The following PXN variants were observed in gnomAD, a reference collection of about 807,000 sequenced individuals.
PXN encodes testicular tissue protein Li 134.
A neutral mutation model predicts 103.6 loss-of-function variants in PXN; 61 were observed. The observed-to-expected ratio is 0.59, with a 90% CI of 0.48 to 0.73. The LOEUF is 0.73. Among genes scored for constraint, PXN ranks in the 30% least tolerant of loss-of-function variants. The pLI is 0.00. For missense variants in PXN, 1,274 were observed against 1,460.3 expected (o/e 0.87, Z 2.08); for synonymous variants, 562 against 607.8 (o/e 0.92, Z 1.11).
chr12:120,258,210 T>G (rs1893325199), intron 1 of PXN, among the ~76,000 whole-genome samples: 1 of 147,154 alleles, frequency 6.8e-6, no homozygotes, highest in Admixed American at 6.8e-5. Context: ...AAAAAAAAAG[T>G]CTTGCTCTGC....
rs1332186179 is a variant in PXN, at chr12:120,216,431, G to T, written c.2143C>A (p.Pro715Thr). The stretch of plus-strand genomic sequence containing the variant: ...GAAGAACCACAGGTATAAGCTGAGG[G>T]CCCCAGGGGGGAGGAGGCGAGCAGG... ...PSLLASSPLGPSAYTCGSSGV... is the reference protein window; with the variant it reads ...PSLLASSPLGTSAYTCGSSGV... The change falls in exon 9 of 15, where the codon CCC becomes ACC. Residue 715 changes from proline to threonine, a missense_variant. Pro to Thr is a conservative substitution (Grantham distance 38, BLOSUM62 -1). Transcript: ENST00000637617. The surrounding 1 kb of genome is among the most constrained non-coding windows in gnomAD (Gnocchi z 5.1). The T allele has an allele frequency of 3.6e-6, 5 of 1,374,194 alleles. No homozygotes were observed. The highest frequency in any genetic ancestry group is 4.7e-6 in the Non-Finnish European group (5 of 1,072,970). The allele number at this position is 1,374,194 out of a possible 1,614,324, so 85.1% of individuals were successfully genotyped here.
chr12:120,233,512 G>A (rs1888457925), intron 1 of PXN, among the ~76,000 whole-genome samples: 3 of 152,050 alleles, frequency 2.0e-5, no homozygotes. Flanking sequence ...CACATTGTTG[G>A]ACAGGCTTGT....
In PXN at chr12:120,223,810, G is replaced by A. The variant is rs61757821; in HGVS notation, c.264C>T (p.Tyr88=). ...HQQPQSSSPV[Y]GSSAKTSSVS... ...CACTGGAAGTTTTGGCACTGGAGCC[G>A]TACACAGGTGATGAGGACTGAGGCT... Residue 88 remains tyrosine (Y), a synonymous_variant, in exon 3 of 15, where the codon TAC becomes TAT. Coordinates refer to ENST00000637617, the MANE Select transcript of PXN (RefSeq NM_001385981.1). 346 of 1,606,940 alleles carry A rather than the reference G, an allele frequency of 2.2e-4. No individual in the cohort carries two copies. Among genetic ancestry groups the A allele is most frequent in the Middle Eastern group, 8.3e-4 (5 of 6,056 alleles).
In PXN at chr12:120,224,011, G is replaced by A. The variant is rs770647666; in HGVS notation, c.240+140C>T. On this transcript the variant is annotated intron_variant, in intron 2 of 14. Transcript: ENST00000637617. This position sits in a 1 kb window ranked among gnomAD's most constrained non-coding sequence, Gnocchi z 5.0. The stretch of plus-strand genomic sequence containing the variant: ...TTGGTCACTGTTCCACTCACGTGGT[G>A]AGTGGGAAGAGCAGTGTCTGGTTGG... 1.7e-4 allele frequency: 137 copies of A among 803,470 alleles called. No individual in the cohort carries two copies. The highest frequency in any genetic ancestry group is 2.5e-4 in the Non-Finnish European group (129 of 511,622). The allele number at this position is 803,470 out of a possible 1,614,324, so 49.8% of individuals were successfully genotyped here.
At chr12:120,218,596 G>A (rs993645450) in intron 7 of PXN, among the ~76,000 whole-genome samples, 14 of 151,876 alleles carry the variant, frequency 9.2e-5, no homozygotes, top group Admixed American at 8.5e-4. Context: ...GGCTGGCCTC[G>A]AACTCCCAAC....
In PXN at chr12:120,264,713, ACT is replaced by A. The variant is rs369358411; in HGVS notation, c.13+902_13+903del. On this transcript the variant is annotated intron_variant, in intron 1 of 14. Coordinates refer to ENST00000637617, the MANE Select transcript of PXN (RefSeq NM_001385981.1). Reference sequence around the variant, plus strand: ...GCCTGACGCAGAGAGGGTGGAGGGGACTCTGCTAGCCAGGACACGTTCAGGGA... The same window carrying A: ...GCCTGACGCAGAGAGGGTGGAGGGGACTGCTAGCCAGGACACGTTCAGGGA... Among the ~76,000 whole-genome samples, 634 of 151,930 alleles carry A rather than the reference ACT, an allele frequency of 4.2e-3. 6 individuals carry two copies. The highest frequency in any genetic ancestry group is 0.014 in the African/African-American group (590 of 41,424).
Position 120,215,686 on chromosome 12 carries a change from TAAG to T in PXN, c.2302-28_2302-26del, listed in dbSNP as rs774509712. On this transcript the variant is annotated intron_variant, in intron 9 of 14. Transcript: ENST00000637617. The surrounding 1 kb of genome is among the most constrained non-coding windows in gnomAD (Gnocchi z 4.9). ...TCTTAGATAGGGGAAGAGATGAGGG[TAAG>T]AAATCTTTTTTAAAAATTAAGAAAG... The T allele has an allele frequency of 1.3e-6, 2 of 1,571,690 alleles. No individual in the cohort carries two copies. The highest frequency in any genetic ancestry group is 4.0e-5 in the Admixed American group (2 of 49,562).
chr12:120,264,416 TC>T (rs1399253982), intron 1 of PXN: 2 of 152,344 alleles, frequency 1.3e-5, no homozygotes, highest in Non-Finnish European at 2.9e-5. Flanking sequence ...CCTCCTCACC[TC>T]CCAAGCTCAG....
At chr12:120,235,796 T>C (rs565079546) in intron 1 of PXN, among the ~76,000 whole-genome samples, 1 of 152,340 alleles carries the variant, frequency 6.6e-6, no homozygotes, top group Admixed American at 6.5e-5. Context: ...AACTTGTTGA[T>C]GTGCAAGGTC....
At chr12:120,256,874 C>T (rs1283256493) in intron 1 of PXN, among the ~76,000 whole-genome samples, 5 of 152,086 alleles carry the variant, frequency 3.3e-5, no homozygotes, top group Non-Finnish European at 5.9e-5. Flanking sequence ...TGCGCCACCA[C>T]GCCCAGCTAA....
Position 120,223,717 on chromosome 12 carries a change from C to T in PXN, c.356+1G>A. The T allele has an allele frequency of 6.3e-7, 1 of 1,576,352 alleles. No individual in the cohort carries two copies. The highest frequency in any genetic ancestry group is 8.6e-7 in the Non-Finnish European group (1 of 1,158,404). On this transcript the variant is annotated splice_donor_variant, in intron 3 of 14. Transcript: ENST00000637617. LOFTEE classifies it high-confidence loss of function. Reference sequence around the variant, plus strand: ...GTGCCCTGGGCAGACTGGGGCAGTACCTGTAGACGTGCTCCTCCTCACCCA... The same window carrying T: ...GTGCCCTGGGCAGACTGGGGCAGTATCTGTAGACGTGCTCCTCCTCACCCA...
chr12:120,249,948 G>A, intron 1 of PXN: 1 of 985,462 alleles, frequency 1.0e-6, no homozygotes. Flanking sequence ...CACTGCTTGG[G>A]ACAGAGGACC....
chr12:120,235,095 C>A (rs1888772529), intron 1 of PXN, among the ~76,000 whole-genome samples: 1 of 152,136 alleles, frequency 6.6e-6, no homozygotes, highest in South Asian at 2.1e-4. Flanking sequence ...GCTGCAGGGC[C>A]CCAACGCCTC....
At position 120,222,607 on chromosome 12, in the gene PXN, C is replaced by T. The variant is rs1487944093; in HGVS notation, c.637G>A (p.Val213Met). 6.2e-6 allele frequency: 10 copies of T among 1,609,374 alleles called. No homozygotes were observed. Among genetic ancestry groups the T allele is most frequent in the Admixed American group, 3.4e-5 (2 of 59,436 alleles). ...AAGAGACTCTCCACACTGGGCCGCA[C>T]GTCCTCCAGGCCCCGGCCCCCATTC... ...KRNGGRGLED[V>M]RPSVESLLDE... Residue 213 changes from valine to methionine, a missense_variant, in exon 5 of 15, where the codon GTG becomes ATG. Val to Met is a conservative substitution (Grantham distance 21, BLOSUM62 1). Coordinates refer to ENST00000637617, the MANE Select transcript of PXN (RefSeq NM_001385981.1). The surrounding 1 kb of genome is among the most constrained non-coding windows in gnomAD (Gnocchi z 4.7).
At chr12:120,218,420 C>T (rs935193287) in intron 7 of PXN, among the ~76,000 whole-genome samples, 2 of 152,126 alleles carry the variant, frequency 1.3e-5, no homozygotes, top group Non-Finnish European at 2.9e-5. Flanking sequence ...GTTGCCCAGG[C>T]TGGAGTGCAA....
chr12:120,259,822 G>C (rs1893586268), intron 1 of PXN, among the ~76,000 whole-genome samples: 1 of 152,210 alleles, frequency 6.6e-6, no homozygotes, highest in Non-Finnish European at 1.5e-5. Flanking sequence ...GCACCCTGAA[G>C]CCATTTCCAT....
chr12:120,234,567 C>T (rs894641627), intron 1 of PXN, among the ~76,000 whole-genome samples: 4 of 152,140 alleles, frequency 2.6e-5, no homozygotes, highest in African/African-American at 7.2e-5. Context: ...CTAGGATGGT[C>T]ACACAGTTCT....
At position 120,213,824 on chromosome 12, in the gene PXN, T is replaced by C. The variant is rs750268173; in HGVS notation, c.2979+18A>G. The C allele has an allele frequency of 5.0e-6, 8 of 1,605,428 alleles. No individual in the cohort carries two copies. In the East Asian group the frequency reaches 1.8e-4, roughly 36 times the overall value. ...TGCCTGCTCCTCGCCCCTCCAGATG[T>C]GGTCAGGGGCTCCTTACCCGGCACA... On this transcript the variant is annotated intron_variant, in intron 14 of 14. Coordinates refer to ENST00000637617, the MANE Select transcript of PXN (RefSeq NM_001385981.1). This position sits in a 1 kb window ranked among gnomAD's most constrained non-coding sequence, Gnocchi z 4.2.
intron 1 of PXN, chr12:120,226,881 C>T (rs1886983817): frequency 1.0e-6 from 1 of 993,650 alleles, no homozygotes; most frequent in African/African-American, 1.7e-5. Context: ...AGCAGGTACA[C>T]TGGAAGCTGC....
Sources: allele counts gnomAD v4.1 joint callset (sites outside exome capture counted in the v4.1 genomes callset), GRCh38; gene constraint gnomAD v4.1.1; non-coding constraint Gnocchi (gnomAD v3.1); transcripts MANE v1.5; gene names NCBI Gene and HGNC (gene_info 2026-07-23, HGNC 2026-07-21).